The following EWSR1 variants were observed in gnomAD, a reference collection of about 807,000 sequenced individuals.
EWSR1 encodes EWS RNA binding protein 1, also known as RNA-binding protein EWS.
In EWSR1, 14 loss-of-function variants were observed where a neutral mutation model predicts 92.1. The ratio of observed to expected loss-of-function variants is 0.15; its 90% confidence interval spans 0.10 to 0.24. The LOEUF is 0.24. Among genes scored for constraint, EWSR1 ranks in the 10% least tolerant of loss-of-function variants. The pLI is 1.00. For missense variants in EWSR1, 637 were observed against 870.9 expected (o/e 0.73, Z 3.38); for synonymous variants, 303 against 292.9 (o/e 1.03, Z -0.35).
At chr22:29,295,469 AG>A (rs1315485127) in intron 11 of EWSR1, 1 of 209,078 alleles carries the variant, frequency 4.8e-6, no homozygotes, top group Non-Finnish European at 9.7e-6. Flanking sequence ...CTCACAAAAA[AG>A]AAAAAAATGC....
chr22:29,277,039 CT>C (rs2059176568), intron 4 of EWSR1: 1 of 230,634 alleles, frequency 4.3e-6, no homozygotes, highest in South Asian at 1.8e-4. Context: ...GAGCTGCAGA[CT>C]TTCGTGGTTT....
At chr22:29,292,026 A>T in intron 9 of EWSR1, 111 bp from the exon 10 acceptor site, 2 of 942,812 alleles carry the variant, frequency 2.1e-6, no homozygotes, top group Non-Finnish European at 3.5e-6. Context: ...TTTTGAGTTT[A>T]ATGAATCCCC....
At chr22:29,272,885 C>A (rs2058795853) in intron 3 of EWSR1, among the ~76,000 whole-genome samples, 1 of 152,162 alleles carries the variant, frequency 6.6e-6, no homozygotes, top group Non-Finnish European at 1.5e-5. Flanking sequence ...TGAGCTCTTT[C>A]CAGTGAAGAG....
intron 8 of EWSR1, chr22:29,291,297 A>T (rs2060424268): frequency 2.5e-6 from 1 of 398,072 alleles, no homozygotes; most frequent in African/African-American, 2.1e-5. Flanking sequence ...TTTCTTGCTA[A>T]TTTGCCAAGT....
At chr22:29,293,016 T>C (rs1004756284) in intron 11 of EWSR1, among the ~76,000 whole-genome samples, 33 of 152,164 alleles carry the variant, frequency 2.2e-4, no homozygotes, top group African/African-American at 7.9e-4. Context: ...CCTCCCAAAG[T>C]GCTGGGATTA....
In EWSR1 at chr22:29,273,648, T is replaced by C. The variant is rs190780630; in HGVS notation, c.103-93T>C. 3.3e-5 allele frequency: 47 copies of C among 1,411,646 alleles called. No individual in the cohort carries two copies. The East Asian group carries it at 1.1e-3, about 33-fold the overall frequency. 87.4% of individuals were successfully genotyped at this position (1,411,646 alleles called of 1,614,324 possible). A position where few individuals can be genotyped will look rare whatever the true frequency, so the allele number is the denominator to read the frequency against. ...TTTTTTAATCTTCTAGAAAGGAATGTTTTTGATTTTGGTTCTCCAATTTAG... is the reference window on the plus strand; with the variant it reads ...TTTTTTAATCTTCTAGAAAGGAATGCTTTTGATTTTGGTTCTCCAATTTAG... On this transcript the variant is annotated intron_variant, in intron 3 of 16. Coordinates refer to ENST00000397938, the MANE Select transcript of EWSR1 (RefSeq NM_005243.4).
At chr22:29,273,172 T>C (rs1169778815) in intron 3 of EWSR1, among the ~76,000 whole-genome samples, 1 of 152,234 alleles carries the variant, frequency 6.6e-6, no homozygotes, top group African/African-American at 2.4e-5. Flanking sequence ...GACAGTACTC[T>C]TGATGTGCCC....
chr22:29,284,596 A>G (rs1228528110), intron 6 of EWSR1, among the ~76,000 whole-genome samples: 1 of 151,086 alleles, frequency 6.6e-6, no homozygotes, highest in Admixed American at 6.6e-5. Context: ...TCATACAGCA[A>G]TGGTGAGGGA....
rs2060240220 is a variant in EWSR1 at position 29,288,846 on chromosome 22, GA to G, written c.974+63del. Reference sequence around the variant, plus strand: ...TGTTTCATCCATAGGATTTTCAGTGGAAAGAAGGGACTGAAAGACATAAGAA... The same window carrying G: ...TGTTTCATCCATAGGATTTTCAGTGGAAGAAGGGACTGAAAGACATAAGAA... On this transcript the variant is annotated intron_variant, in intron 8 of 16. Coordinates refer to ENST00000397938, the MANE Select transcript of EWSR1 (RefSeq NM_005243.4). The G allele has an allele frequency of 1.8e-5, 26 of 1,410,454 alleles. 1 individual carries two copies. Among genetic ancestry groups the G allele is most frequent in the Non-Finnish European group, 2.2e-5 (23 of 1,052,490 alleles). The allele number at this position is 1,410,454 out of a possible 1,614,324, so 87.4% of individuals were successfully genotyped here. A position where few individuals can be genotyped will look rare whatever the true frequency, so the allele number is the denominator to read the frequency against.
chr22:29,278,912 T>C (rs563973912), intron 5 of EWSR1, among the ~76,000 whole-genome samples: 1 of 152,056 alleles, frequency 6.6e-6, no homozygotes, highest in South Asian at 2.1e-4. Context: ...GGAGAATTAC[T>C]TGAACCTGGG....
intron 8 of EWSR1, chr22:29,290,676 G>C: frequency 7.3e-7 from 1 of 1,368,450 alleles, no homozygotes; most frequent in South Asian, 2.0e-5. Flanking sequence ...GTAAACTTTT[G>C]TGTTTAAAGA....
intron 1 of EWSR1, among the ~76,000 whole-genome samples, chr22:29,271,192 G>C (rs577030407): frequency 1.3e-5 from 2 of 152,260 alleles, no homozygotes; most frequent in South Asian, 4.2e-4. Flanking sequence ...TGGCAGTACT[G>C]TCTTCAGACA....
Position 29,292,526 on chromosome 22 carries a change from G to T in EWSR1, c.1084G>T (p.Ala362Ser), listed in dbSNP as rs758074601. 10 of 1,613,866 alleles carry T rather than the reference G, an allele frequency of 6.2e-6. No homozygotes were observed. In the South Asian group the frequency reaches 8.8e-5, roughly 14 times the overall value. ...VDPDEDSDNSAIYVQGLNDSV... is the reference protein window; with the variant it reads ...VDPDEDSDNSSIYVQGLNDSV... ...TCCAGATGAAGACTCTGACAACAGT[G>T]CAATTTATGTACAAGGATTAAATGA... Residue 362 changes from alanine to serine, a missense_variant, in exon 11 of 17, where the codon GCA (alanine) becomes TCA (serine). Ala to Ser is a moderately conservative substitution (Grantham distance 99). Around this residue, in one of 5 missense-constraint regions of EWSR1, gnomAD observed 363 missense variants for 447.8 expected, o/e 0.81. Coordinates refer to ENST00000397938, the MANE Select transcript of EWSR1 (RefSeq NM_005243.4).
intron 5 of EWSR1, among the ~76,000 whole-genome samples, chr22:29,281,890 C>T (rs907955088): frequency 6.6e-6 from 1 of 152,158 alleles, no homozygotes; most frequent in Non-Finnish European, 1.5e-5. Flanking sequence ...CTGGCCTTGA[C>T]CTGGTCTGTT....
chr22:29,268,972 G>A (rs201156139), intron 1 of EWSR1, among the ~76,000 whole-genome samples: 6 of 152,200 alleles, frequency 3.9e-5, no homozygotes. Flanking sequence ...CTGGGCTTTA[G>A]ACAGAATGTG....
At chr22:29,272,918 C>T (rs1375464049) in intron 3 of EWSR1, among the ~76,000 whole-genome samples, 1 of 152,162 alleles carries the variant, frequency 6.6e-6, no homozygotes, top group African/African-American at 2.4e-5. Context: ...CCTAGGCCAA[C>T]AGATTCTAGA....
rs2060811852 is a variant in EWSR1, at chr22:29,295,766, T to C, written c.1165-473T>C. 3 of 226,278 alleles carry C rather than the reference T, an allele frequency of 1.3e-5. No homozygotes were observed. The East Asian group carries it at 1.9e-4, about 14-fold the overall frequency. 14.0% of individuals were successfully genotyped at this position (226,278 alleles called of 1,614,324 possible). The stretch of plus-strand genomic sequence containing the variant: ...TGATATTCAGCTGAAAGACTAGTCA[T>C]CTGTTCTAACTGGAGGAAGTAGTGG... On this transcript the variant is annotated intron_variant, in intron 11 of 16. Transcript: ENST00000397938.
chr22:29,292,440 C>T (rs769781910), intron 10 of EWSR1, 48 bp from the exon 11 acceptor site: 15 of 1,266,690 alleles, frequency 1.2e-5, no homozygotes, highest in Non-Finnish European at 1.6e-5. Context: ...GTTAAGAAAC[C>T]CCTATAGATA....
At chr22:29,274,794 G>A (rs2058971723) in intron 4 of EWSR1, among the ~76,000 whole-genome samples, 1 of 152,176 alleles carries the variant, frequency 6.6e-6, no homozygotes, top group South Asian at 2.1e-4. Context: ...AGAAGAAATT[G>A]TATTCCGATA....
Sources: gnomAD v4.1 joint callset for allele counts (sites outside exome capture counted in the v4.1 genomes callset) on GRCh38, gnomAD v4.1.1 for gene constraint, gnomAD v4.1.1 regional missense constraint, MANE v1.5 for transcripts, NCBI Gene and HGNC (gene_info 2026-07-23, HGNC 2026-07-21) for gene names.